Variants in TMEM245 observed in about 807,000 individuals in gnomAD.
The protein encoded by TMEM245 is transmembrane protein 245, also known as protein CG-2.
A neutral mutation model predicts 101.2 loss-of-function variants in TMEM245; 69 were observed. That is an observed-to-expected ratio of 0.68 (90% CI 0.56 to 0.83). The LOEUF (loss-of-function observed/expected upper bound fraction) is 0.83, where lower values mean the gene tolerates loss of function less well. Ranked by LOEUF, TMEM245 falls within the 40% of genes least tolerant of loss-of-function variation. The pLI is 0.00. For missense variants in TMEM245, 1,075 were observed against 1,092.8 expected (o/e 0.98, Z 0.23); for synonymous variants, 537 against 449.8 (o/e 1.19, Z -2.45).
chr9:109,116,540 CTT>C (rs60227718), intron 1 of TMEM245, among the ~76,000 whole-genome samples: 4 of 147,580 alleles, frequency 2.7e-5, no homozygotes, highest in African/African-American at 1.0e-4. Flanking sequence ...TTTTTTTTTT[CTT>C]TTTTTTTGAG....
chr9:109,080,937 T>G lies in TMEM245; in HGVS notation c.1351A>C (p.Ile451Leu), dbSNP rs1465997324. The change falls in exon 8 of 18, where the codon ATC becomes CTC. Residue 451 changes from isoleucine to leucine, a missense_variant. By Grantham distance (5) the Ile-to-Leu change is conservative (BLOSUM62 2). Coordinates refer to ENST00000374586, the MANE Select transcript of TMEM245 (RefSeq NM_032012.4). ...TTATCTAACATCTTCTCCAACCAGATGATCATCTGCACAAAAACGAAAAAG... is the reference window on the plus strand; with the variant it reads ...TTATCTAACATCTTCTCCAACCAGAGGATCATCTGCACAAAAACGAAAAAG... The part of the protein sequence containing the change: ...LWHWLNKKMI[I>L]WLEKMLDKII... The G allele has an allele frequency of 3.8e-6, 6 of 1,593,284 alleles. No individual in the cohort carries two copies. The highest frequency in any genetic ancestry group is 5.2e-6 in the Non-Finnish European group (6 of 1,164,756).
chr9:109,023,461 C>T (rs1564165624), intron 17 of TMEM245, among the ~76,000 whole-genome samples: 1 of 152,088 alleles, frequency 6.6e-6, no homozygotes, highest in South Asian at 2.1e-4. Flanking sequence ...CTACTTAAAC[C>T]ATCTAAATAC....
intron 14 of TMEM245, among the ~76,000 whole-genome samples, chr9:109,039,789 C>A (rs1237426940): frequency 2.0e-5 from 3 of 150,820 alleles, no homozygotes; most frequent in African/African-American, 7.3e-5. Context: ...TTCCCGGAGA[C>A]CAAGGGAGAA....
chr9:109,098,120 T>C (rs1448180296), intron 3 of TMEM245, among the ~76,000 whole-genome samples: 4 of 152,198 alleles, frequency 2.6e-5, no homozygotes, highest in Admixed American at 1.3e-4. Context: ...CTTCCCTTAG[T>C]AGACATTTTT....
intron 10 of TMEM245, among the ~76,000 whole-genome samples, chr9:109,062,031 G>T (rs1829031735): frequency 1.3e-5 from 2 of 151,968 alleles, no homozygotes; most frequent in South Asian, 2.1e-4. Flanking sequence ...TTGAGACAGG[G>T]TCTCACTCTG....
chr9:109,080,790 T>G (rs371125611), intron 8 of TMEM245, 49 bp downstream of exon 8: 18 of 1,198,162 alleles, frequency 1.5e-5, no homozygotes, highest in Non-Finnish European at 2.2e-5. Flanking sequence ...AGACTACAAT[T>G]CTAACAATTA....
In TMEM245 at chr9:109,119,493, G is replaced by T; in HGVS notation, c.421C>A (p.Gln141Lys). The change falls in exon 1 of 18, where the codon CAG becomes AAG. Residue 141 changes from glutamine (Q) to lysine (K), a missense_variant. This residue lies in a region of TMEM245 where 808 missense variants were observed against 741.5 expected (regional missense o/e 1.09). Coordinates refer to ENST00000374586, the MANE Select transcript of TMEM245 (RefSeq NM_032012.4). ...AGCAGGCGGCGGCGGCGCAGCGCCT[G>T]CTCGCCCAGGGCCTCGACGCCGTAG... ...VDYGVEALGE[Q>K]ALRRRRLLLL... 2 of 1,495,286 alleles carry T rather than the reference G, an allele frequency of 1.3e-6. No individual in the cohort carries two copies. The highest frequency in any genetic ancestry group is 1.8e-6 in the Non-Finnish European group (2 of 1,131,524). The allele number at this position is 1,495,286 out of a possible 1,614,324, so 92.6% of individuals were successfully genotyped here.
intron 8 of TMEM245, among the ~76,000 whole-genome samples, chr9:109,075,703 T>C (rs895055149): frequency 3.3e-5 from 5 of 152,238 alleles, no homozygotes; most frequent in Non-Finnish European, 7.3e-5. Flanking sequence ...TTTCCTCTTT[T>C]GTACTTGATA....
chr9:109,069,584 T>C (rs959297770), intron 9 of TMEM245, among the ~76,000 whole-genome samples: 4 of 152,168 alleles, frequency 2.6e-5, no homozygotes, highest in African/African-American at 4.8e-5. Flanking sequence ...TTTATATCCA[T>C]ATCCATTCTG....
intron 17 of TMEM245, among the ~76,000 whole-genome samples, chr9:109,024,360 T>TCAA (rs1827733085): frequency 6.6e-6 from 1 of 152,222 alleles, no homozygotes; most frequent in Non-Finnish European, 1.5e-5. Context: ...CTCAAGGTTG[T>TCAA]ATTCTGCTTT....
intron 14 of TMEM245, among the ~76,000 whole-genome samples, chr9:109,047,702 T>C (rs895594764): frequency 6.6e-6 from 1 of 152,186 alleles, no homozygotes; most frequent in Admixed American, 6.5e-5. Flanking sequence ...AATAGAAACA[T>C]TTTTCTAAGA....
At chr9:109,075,924 G>A (rs1047142308) in intron 8 of TMEM245, among the ~76,000 whole-genome samples, 1 of 152,062 alleles carries the variant, frequency 6.6e-6, no homozygotes, top group African/African-American at 2.4e-5. Flanking sequence ...AGCTTCTGAA[G>A]GTGGAAACTT....
chr9:109,070,700 A>G (rs893341740), intron 9 of TMEM245, among the ~76,000 whole-genome samples: 2 of 152,150 alleles, frequency 1.3e-5, no homozygotes, highest in African/African-American at 2.4e-5. Context: ...TAATAAACAT[A>G]TCTATCACTC....
chr9:109,077,288 C>A (rs1829539447), intron 8 of TMEM245, among the ~76,000 whole-genome samples: 1 of 152,020 alleles, frequency 6.6e-6, no homozygotes, highest in African/African-American at 2.4e-5. Context: ...GTAGCTGGGA[C>A]TACAGGCTTA....
intron 14 of TMEM245, among the ~76,000 whole-genome samples, chr9:109,041,453 A>ATTTTTTTTTTTTTTTTTTTTTTTTTTTT (rs1193341550): frequency 1.2e-5 from 1 of 83,208 alleles, no homozygotes; most frequent in African/African-American, 5.0e-5. Context: ...CATCCTACAA[A>ATTTTTTTTTTTTTTTTTTTTTTTTTTTT]TTTTTTTTTT....
intron 17 of TMEM245, among the ~76,000 whole-genome samples, chr9:109,027,245 G>A (rs1032120507): frequency 6.6e-5 from 10 of 152,060 alleles, no homozygotes; most frequent in Non-Finnish European, 8.8e-5. Context: ...TCCTTAAAGA[G>A]CAGTAAGACA....
chr9:109,104,700 TGAAACACAA>T, intron 3 of TMEM245, among the ~76,000 whole-genome samples: 1 of 152,058 alleles, frequency 6.6e-6, no homozygotes, highest in Non-Finnish European at 1.5e-5. Flanking sequence ...TATAGATCAG[TGAAACACAA>T]CAGAAAGGGC....
chr9:109,114,795 C>A (rs560108430), intron 1 of TMEM245, among the ~76,000 whole-genome samples: 1 of 152,316 alleles, frequency 6.6e-6, no homozygotes, highest in African/African-American at 2.4e-5. Flanking sequence ...CCTTGCACAG[C>A]TCCACCATGG....
intron 14 of TMEM245, among the ~76,000 whole-genome samples, chr9:109,041,153 A>C (rs1168060283): frequency 1.3e-5 from 2 of 152,180 alleles, no homozygotes; most frequent in African/African-American, 2.4e-5. Context: ...AGGAAGAACA[A>C]TTCAACCCAT....
Sources: allele counts gnomAD v4.1 joint callset (sites outside exome capture counted in the v4.1 genomes callset), GRCh38; gene constraint gnomAD v4.1.1; regional missense constraint gnomAD v4.1.1; transcripts MANE v1.5; gene names NCBI Gene and HGNC (gene_info 2026-07-23, HGNC 2026-07-21).